The following TMEM41B variants were observed in gnomAD, a reference collection of about 807,000 sequenced individuals.
TMEM41B encodes the protein protein stasimon.
Under a neutral mutation model 31.9 loss-of-function variants are expected in TMEM41B, and 18 were observed. That is an observed-to-expected ratio of 0.56 (90% CI 0.39 to 0.84). The LOEUF is 0.84. Ranked by LOEUF, TMEM41B falls within the 40% of genes least tolerant of loss-of-function variation. TMEM41B has a pLI of 0.00. For synonymous variants in TMEM41B, 144 were observed against 124.3 expected (o/e 1.16, Z -1.05); for missense variants, 322 against 348.0 (o/e 0.93, Z 0.59).
At chr11:9,283,618 A>G in intron 6 of TMEM41B, 25 bp from the exon 7 acceptor site, 1 of 1,579,504 alleles carries the variant, frequency 6.3e-7, no homozygotes, top group Non-Finnish European at 8.6e-7. Flanking sequence ...AAAAAGATAC[A>G]GTAAAAACCA....
chr11:9,286,560 T>C lies in TMEM41B; in HGVS notation c.601A>G (p.Ile201Val), dbSNP rs1852841834. ...ERHREHLINYIIFLRITPFLP... is the reference protein window; with the variant it reads ...ERHREHLINYVIFLRITPFLP... ...AATGGTGTTATTCTCAAAAATATAA[T>C]GTAGTTAATGAGATGTTCTCTATGA... The change falls in exon 6 of 7, where the codon ATT becomes GTT. Residue 201 changes from isoleucine to valine, a missense_variant. By Grantham distance (29) the Ile-to-Val change is conservative. This residue lies in a region of TMEM41B where 47 missense variants were observed against 84.8 expected (regional missense o/e 0.55). Transcript: ENST00000528080. 1 of 1,612,612 alleles carries C rather than the reference T, an allele frequency of 6.2e-7. No individual in the cohort carries two copies. Among genetic ancestry groups the C allele is most frequent in the African/African-American group, 1.3e-5 (1 of 74,858 alleles).
intron 2 of TMEM41B, among the ~76,000 whole-genome samples, chr11:9,298,537 G>A (rs1853157123): frequency 6.6e-6 from 1 of 151,886 alleles, no homozygotes; most frequent in Non-Finnish European, 1.5e-5. Context: ...GGACAAGGTG[G>A]GCAGATCACT....
chr11:9,310,507 G>A (rs1471295583), intron 1 of TMEM41B, among the ~76,000 whole-genome samples: 2 of 151,526 alleles, frequency 1.3e-5, no homozygotes, highest in Non-Finnish European at 2.9e-5. Flanking sequence ...CCCTCACAAG[G>A]GTCATGACTT....
intron 2 of TMEM41B, among the ~76,000 whole-genome samples, chr11:9,297,841 C>T (rs1194266838): frequency 6.6e-6 from 1 of 151,942 alleles, no homozygotes; most frequent in Non-Finnish European, 1.5e-5. Context: ...AAAAATTTAA[C>T]TGACCTATGG....
At chr11:9,294,851 T>G (rs1252903450) in intron 3 of TMEM41B, among the ~76,000 whole-genome samples, 2 of 151,894 alleles carry the variant, frequency 1.3e-5, no homozygotes, top group Non-Finnish European at 2.9e-5. Flanking sequence ...TCTATAAAAA[T>G]TAACAACAAA....
Position 9,286,462 on chromosome 11 carries a change from A to G in TMEM41B, c.699T>C (p.Thr233=), listed in dbSNP as rs764006774. ...AAGAACCAGAGGGCTTACCTAGAAA[A>G]GTACCAATAAAAAAAACTTTCAATG... ...NVPLKVFFIG[T]FLGVAPPSFV... The change falls in exon 6 of 7, where the codon ACT becomes ACC. Residue 233 remains threonine, a synonymous_variant. Transcript: ENST00000528080. The G allele has an allele frequency of 1.9e-6, 3 of 1,611,064 alleles. No homozygotes were observed. Among genetic ancestry groups the G allele is most frequent in the Admixed American group, 3.4e-5 (2 of 59,288 alleles).
At chr11:9,310,097 G>A (rs1455467609) in intron 1 of TMEM41B, among the ~76,000 whole-genome samples, 3 of 148,910 alleles carry the variant, frequency 2.0e-5, no homozygotes, top group Non-Finnish European at 4.4e-5. Context: ...GTGCAGTGGC[G>A]CTATCTTGGC....
chr11:9,304,910 C>A (rs1381308883), intron 1 of TMEM41B, among the ~76,000 whole-genome samples: 1 of 152,126 alleles, frequency 6.6e-6, no homozygotes, highest in Non-Finnish European at 1.5e-5. Flanking sequence ...CCCCCCTTGG[C>A]CTACCAAAGT....
intron 3 of TMEM41B, among the ~76,000 whole-genome samples, chr11:9,290,936 T>C (rs1488314262): frequency 6.6e-6 from 1 of 151,994 alleles, no homozygotes; most frequent in African/African-American, 2.4e-5. Context: ...GCCAACACGA[T>C]GAAACCCTGT....
At position 9,290,591 on chromosome 11, in the gene TMEM41B, G is replaced by C. The variant is rs140617487; in HGVS notation, c.369-2056C>G. On this transcript the variant is annotated intron_variant, in intron 3 of 6. Coordinates refer to ENST00000528080, the MANE Select transcript of TMEM41B (RefSeq NM_015012.4). ...AAAGAAAAGAAAGCAAGACTCCAAA[G>C]GATGAAAGGAGATAAATGGAAATTT... Among the ~76,000 whole-genome samples, 11 of 151,964 alleles carry C rather than the reference G, an allele frequency of 7.2e-5. No individual in the cohort carries two copies. In the East Asian group the frequency reaches 2.1e-3, roughly 29 times the overall value.
At chr11:9,311,213 T>C (rs1853553275) in intron 1 of TMEM41B, 3 of 1,451,362 alleles carry the variant, frequency 2.1e-6, no homozygotes, top group Non-Finnish European at 2.8e-6. Flanking sequence ...CAATACAACA[T>C]GGCATCTGAA....
rs892612614 is a variant in TMEM41B at position 9,282,733 on chromosome 11, A to G, written c.*691T>C. 7.9e-5 allele frequency: 12 copies of G among 152,110 alleles called. No homozygotes were observed. The highest frequency in any genetic ancestry group is 1.3e-4 in the Non-Finnish European group (9 of 68,056). The allele number at this position is 152,110 out of a possible 1,614,324, so 9.4% of individuals were successfully genotyped here. A position where few individuals can be genotyped will look rare whatever the true frequency, so the allele number is the denominator to read the frequency against. Reference sequence around the variant, plus strand: ...CAGATCACGAGGTCAGGAGATCGAGACCATCCTGGCTAACACGGTGAAACC... The same window carrying G: ...CAGATCACGAGGTCAGGAGATCGAGGCCATCCTGGCTAACACGGTGAAACC... On this transcript the variant is annotated 3_prime_UTR_variant, in exon 7 of 7. Coordinates refer to ENST00000528080, the MANE Select transcript of TMEM41B (RefSeq NM_015012.4).
intron 1 of TMEM41B, among the ~76,000 whole-genome samples, chr11:9,313,196 A>G (rs1853604618): frequency 6.6e-6 from 1 of 152,212 alleles, no homozygotes; most frequent in Admixed American, 6.5e-5. Flanking sequence ...ATTAACAACG[A>G]TTCATTTCTC....
chr11:9,297,385 G>A (rs908219983), intron 2 of TMEM41B, among the ~76,000 whole-genome samples: 4 of 152,084 alleles, frequency 2.6e-5, no homozygotes, highest in African/African-American at 4.8e-5. Flanking sequence ...GCGCCAGGCC[G>A]CTCTGCTAAT....
chr11:9,311,094 G>C (rs1807579185), intron 1 of TMEM41B, among the ~76,000 whole-genome samples: 1 of 152,088 alleles, frequency 6.6e-6, no homozygotes, highest in Non-Finnish European at 1.5e-5. Context: ...CAACAAGATG[G>C]CCAGGCCATG....
At chr11:9,286,148 CA>C (rs1303975622) in intron 6 of TMEM41B, among the ~76,000 whole-genome samples, 1 of 151,596 alleles carries the variant, frequency 6.6e-6, no homozygotes, top group Non-Finnish European at 1.5e-5. Context: ...GAAAATTGCT[CA>C]AAAAAGGCAA....
intron 1 of TMEM41B, among the ~76,000 whole-genome samples, chr11:9,309,091 T>C (rs937191256): frequency 2.6e-5 from 4 of 151,948 alleles, no homozygotes; most frequent in Non-Finnish European, 5.9e-5. Context: ...CTACTAAAAA[T>C]ACAAAATTAG....
At position 9,290,340 on chromosome 11, in the gene TMEM41B, T is replaced by G. The variant is rs559798971; in HGVS notation, c.369-1805A>C. Among the ~76,000 whole-genome samples the G allele has an allele frequency of 5.9e-5, 9 of 152,244 alleles. No homozygotes were observed. In the South Asian group the frequency reaches 1.9e-3, roughly 32 times the overall value. On this transcript the variant is annotated intron_variant, in intron 3 of 6. Coordinates refer to ENST00000528080, the MANE Select transcript of TMEM41B (RefSeq NM_015012.4). ...TTGCAGTGAGCCGAGATCTCGCCAC[T>G]GCAAGCCAGCCTGGCAACAGAGCAA... is the stretch of plus-strand genomic sequence containing the variant.
In TMEM41B at chr11:9,302,441, A is replaced by G. The variant is rs1274665931; in HGVS notation, c.122-2740T>C. The stretch of plus-strand genomic sequence containing the variant: ...CCCTTGTCTCACTACAACAATTGGC[A>G]TTAGTAAGATTTTGCTGATTTTTTT... On this transcript the variant is annotated intron_variant, in intron 1 of 6. Transcript: ENST00000528080. 4.0e-5 allele frequency among the ~76,000 whole-genome samples: 4 copies of G among 100,128 alleles called. 2 individuals carry two copies. The highest frequency in any genetic ancestry group is 8.6e-5 in the Non-Finnish European group (4 of 46,658). 65.7% of individuals were successfully genotyped at this position (100,128 alleles called of 152,430 possible).
Sources: allele counts gnomAD v4.1 joint callset (sites outside exome capture counted in the v4.1 genomes callset), GRCh38; gene constraint gnomAD v4.1.1; regional missense constraint gnomAD v4.1.1; transcripts MANE v1.5; gene names NCBI Gene and HGNC (gene_info 2026-07-23, HGNC 2026-07-21).